The following ZFYVE9 variants were observed in gnomAD, a reference collection of about 807,000 sequenced individuals.
The protein encoded by ZFYVE9 is zinc finger FYVE-type containing 9.
In ZFYVE9, 43 loss-of-function variants were observed where a neutral mutation model predicts 126.7. The observed-to-expected ratio is 0.34, with a 90% CI of 0.27 to 0.44. The LOEUF is 0.44. Among genes scored for constraint, ZFYVE9 ranks in the 20% least tolerant of loss-of-function variants. ZFYVE9 has a pLI of 1.00. For synonymous variants in ZFYVE9, 521 were observed against 597.4 expected (o/e 0.87, Z 1.87); for missense variants, 1,476 against 1,697.0 (o/e 0.87, Z 2.29).
At position 52,268,636 on chromosome 1, in the gene ZFYVE9, A is replaced by G; in HGVS notation, c.2625+4A>G. ...TACCAGTCCTCTACCAGCAGAGGTA[A>G]GAAAACAAAACAGCAACTAAAATTG... On this transcript the variant is annotated splice_donor_region_variant and intron_variant, in intron 7 of 18. Transcript: ENST00000287727. The G allele has an allele frequency of 6.2e-7, 1 of 1,612,574 alleles. No individual in the cohort carries two copies. The highest frequency in any genetic ancestry group is 8.5e-7 in the Non-Finnish European group (1 of 1,178,950).
chr1:52,162,362 C>T, intron 1 of ZFYVE9: 1 of 367,514 alleles, frequency 2.7e-6, no homozygotes, highest in Non-Finnish European at 5.5e-6. Context: ...GCCGCCTTTG[C>T]CACCACCTCC....
At chr1:52,161,344 C>T (rs934133013) in intron 1 of ZFYVE9, among the ~76,000 whole-genome samples, 2 of 152,068 alleles carry the variant, frequency 1.3e-5, no homozygotes, top group Non-Finnish European at 2.9e-5. Context: ...GGCTGGAGTG[C>T]AGTGGCGCAA....
chr1:52,229,039 C>T (rs1645194408), intron 2 of ZFYVE9, among the ~76,000 whole-genome samples: 1 of 151,894 alleles, frequency 6.6e-6, no homozygotes, highest in African/African-American at 2.4e-5. Flanking sequence ...CCACACCTGG[C>T]TAATTTTTAT....
At chr1:52,202,339 G>A (rs961423841) in intron 1 of ZFYVE9, among the ~76,000 whole-genome samples, 3 of 151,808 alleles carry the variant, frequency 2.0e-5, no homozygotes, top group African/African-American at 7.3e-5. Context: ...GAGTGCAGTG[G>A]CCTGATCTCG....
chr1:52,182,730 A>G (rs1644723840), intron 1 of ZFYVE9, among the ~76,000 whole-genome samples: 1 of 151,954 alleles, frequency 6.6e-6, no homozygotes, highest in Admixed American at 6.6e-5. Flanking sequence ...TGCGAGAAAC[A>G]CCCAAGAATG....
intron 9 of ZFYVE9, among the ~76,000 whole-genome samples, chr1:52,280,588 G>A (rs551833049): frequency 3.2e-4 from 48 of 152,238 alleles, no homozygotes; most frequent in African/African-American, 1.2e-3. Flanking sequence ...TTGTGTTGGG[G>A]TATGAAGAGT....
intron 1 of ZFYVE9, among the ~76,000 whole-genome samples, chr1:52,175,737 T>G (rs6679390): frequency 0.74 from 112,012 of 151,998 alleles, 45,735 homozygotes; most frequent in Non-Finnish European, 0.9. Flanking sequence ...CTTCCCTTCT[T>G]GCTTCATTTC....
rs201890566 is a variant in ZFYVE9, at chr1:52,239,113, G to A, written c.1696G>A (p.Val566Ile). The change falls in exon 4 of 19, where the codon GTA becomes ATA. Residue 566 changes from valine to isoleucine, a missense_variant. By Grantham distance (29) the Val-to-Ile change is conservative. This residue lies in a region of ZFYVE9 where 807 missense variants were observed against 794.6 expected (regional missense o/e 1.02). Transcript: ENST00000287727. ...GCTTGGGCAATCTTCCCCCAAGGTA[G>A]TAGCAAGCCTGCCATCTATCAGTGT... Reference protein sequence around the residue: ...SVLGQSSPKVVASLPSISVPF... With the variant: ...SVLGQSSPKVIASLPSISVPF... 5.0e-6 allele frequency: 8 copies of A among 1,614,054 alleles called. No individual in the cohort carries two copies. Among genetic ancestry groups the A allele is most frequent in the Non-Finnish European group, 6.8e-6 (8 of 1,179,984 alleles).
At chr1:52,304,411 C>T (rs1456229092) in intron 13 of ZFYVE9, among the ~76,000 whole-genome samples, 3 of 151,752 alleles carry the variant, frequency 2.0e-5, no homozygotes, top group Non-Finnish European at 4.4e-5. Context: ...TACAGGCACC[C>T]GCCACCATGC....
intron 4 of ZFYVE9, among the ~76,000 whole-genome samples, chr1:52,247,711 G>A (rs1397578513): frequency 1.3e-5 from 2 of 152,072 alleles, no homozygotes; most frequent in Admixed American, 6.5e-5. Flanking sequence ...TAGTCAGGCT[G>A]GTCTCAAACT....
intron 6 of ZFYVE9, 93 bp from the exon 7 acceptor site, chr1:52,268,370 T>C: frequency 7.4e-7 from 1 of 1,344,394 alleles, no homozygotes; most frequent in Non-Finnish European, 1.0e-6. Context: ...ATGATTTCTT[T>C]GTACATCTGG....
chr1:52,186,435 C>T (rs1257380533), intron 1 of ZFYVE9, among the ~76,000 whole-genome samples: 1 of 152,084 alleles, frequency 6.6e-6, no homozygotes, highest in Non-Finnish European at 1.5e-5. Flanking sequence ...TTTTTCACTA[C>T]TCCTATTCAG....
intron 1 of ZFYVE9, among the ~76,000 whole-genome samples, chr1:52,144,855 C>A (rs898545674): frequency 2.0e-5 from 3 of 152,104 alleles, no homozygotes; most frequent in African/African-American, 7.2e-5. Context: ...GCATATACTT[C>A]AGTTATTATG....
chr1:52,231,991 A>G (rs1160607758), intron 2 of ZFYVE9, among the ~76,000 whole-genome samples: 2 of 152,170 alleles, frequency 1.3e-5, no homozygotes, highest in African/African-American at 4.8e-5. Flanking sequence ...AAATGAGGGA[A>G]ATATCATTGA....
intron 4 of ZFYVE9, among the ~76,000 whole-genome samples, chr1:52,261,793 G>A (rs1295831897): frequency 2.6e-5 from 4 of 152,208 alleles, no homozygotes; most frequent in African/African-American, 9.7e-5. Context: ...AGGAGAAGAT[G>A]TGATTTTGGA....
intron 4 of ZFYVE9, among the ~76,000 whole-genome samples, chr1:52,239,984 A>T (rs1439208252): frequency 6.6e-6 from 1 of 152,236 alleles, no homozygotes; most frequent in Non-Finnish European, 1.5e-5. Context: ...TAAATACAAA[A>T]AATAAAAATA....
chr1:52,267,021 T>C (rs1359209251), intron 6 of ZFYVE9, among the ~76,000 whole-genome samples, 190 bp downstream of exon 6: 1 of 152,196 alleles, frequency 6.6e-6, no homozygotes, highest in Non-Finnish European at 1.5e-5. Context: ...AATATTTGTG[T>C]TGCTTGGTAT....
intron 13 of ZFYVE9, among the ~76,000 whole-genome samples, chr1:52,304,355 T>C (rs1407726658): frequency 1.3e-5 from 2 of 152,084 alleles, no homozygotes; most frequent in Non-Finnish European, 2.9e-5. Context: ...CTCTGCCTCC[T>C]GGGTTCAAGT....
intron 1 of ZFYVE9, among the ~76,000 whole-genome samples, chr1:52,205,731 T>C (rs1644972474): frequency 6.6e-6 from 1 of 152,130 alleles, no homozygotes; most frequent in South Asian, 2.1e-4. Flanking sequence ...TTTACTTTGT[T>C]GTTCGGATAG....
Sources: gnomAD v4.1 joint callset for allele counts (sites outside exome capture counted in the v4.1 genomes callset) on GRCh38, gnomAD v4.1.1 for gene constraint, gnomAD v4.1.1 regional missense constraint, MANE v1.5 for transcripts, NCBI Gene and HGNC (gene_info 2026-07-23, HGNC 2026-07-21) for gene names.